Variants in FUT9 observed in about 807,000 individuals in gnomAD.
FUT9 encodes the protein 4-galactosyl-N-acetylglucosaminide 3-alpha-L-fucosyltransferase 9.
FUT9 carries 15 observed loss-of-function variants against 29.7 expected under a neutral mutation model. The observed-to-expected ratio is 0.51, with a 90% CI of 0.34 to 0.78. FUT9 has a LOEUF of 0.78. Among genes scored for constraint, FUT9 ranks in the 30% least tolerant of loss-of-function variants. The probability of loss-of-function intolerance (pLI) is 0.01; values close to 1 mark genes in which losing one functional copy is unlikely to be tolerated. For missense variants in FUT9, 319 were observed against 425.4 expected (o/e 0.75, Z 2.20); for synonymous variants, 169 against 153.7 (o/e 1.10, Z -0.74).
chr6:96,110,347 C>T (rs1771776291), intron 1 of FUT9, among the ~76,000 whole-genome samples: 2 of 152,110 alleles, frequency 1.3e-5, no homozygotes, highest in Admixed American at 1.3e-4. Context: ...AACTTATTAT[C>T]CATATTGCAT....
intron 2 of FUT9, among the ~76,000 whole-genome samples, chr6:96,195,739 G>C (rs184064740): frequency 6.6e-6 from 1 of 151,948 alleles, no homozygotes; most frequent in Non-Finnish European, 1.5e-5. Context: ...TTGTAGCCAG[G>C]AGTAAAAGCA....
chr6:96,039,521 T>A (rs374546791), intron 1 of FUT9, among the ~76,000 whole-genome samples: 13 of 152,172 alleles, frequency 8.5e-5, no homozygotes, highest in Admixed American at 5.9e-4. Context: ...ACTTGGCAAG[T>A]TTTTTCCCAC....
Position 96,203,295 on chromosome 6 carries a change from T to C in FUT9, c.140T>C (p.Val47Ala). The change falls in exon 3 of 3, where the codon GTG (valine) becomes GCG (alanine). Residue 47 changes from valine (V) to alanine (A), a missense_variant. Transcript: ENST00000302103. The part of the protein sequence containing the change: ...IFSPMESASS[V>A]LKMKNFFSTK... ...AGTCCAATGGAATCAGCCAGCTCTG[T>C]GCTGAAAATGAAAAACTTCTTTTCC... 1 of 1,614,038 alleles carries C rather than the reference T, an allele frequency of 6.2e-7. No homozygotes were observed.
At chr6:96,056,835 A>G (rs1363695695) in intron 1 of FUT9, among the ~76,000 whole-genome samples, 3 of 152,240 alleles carry the variant, frequency 2.0e-5, no homozygotes, top group Non-Finnish European at 4.4e-5. Context: ...CATATTTACA[A>G]TATACACTCT....
At chr6:96,044,660 T>C (rs1321965022) in intron 1 of FUT9, among the ~76,000 whole-genome samples, 1 of 152,178 alleles carries the variant, frequency 6.6e-6, no homozygotes, top group African/African-American at 2.4e-5. Context: ...TTCCCCCTGA[T>C]TTAAACACAG....
At chr6:96,030,436 CA>C (rs1770242130) in intron 1 of FUT9, among the ~76,000 whole-genome samples, 1 of 151,294 alleles carries the variant, frequency 6.6e-6, no homozygotes, top group Admixed American at 6.6e-5. Flanking sequence ...CCTATTAGAG[CA>C]AAATGAAAAC....
At chr6:96,082,534 A>G (rs1215810296) in intron 1 of FUT9, among the ~76,000 whole-genome samples, 1 of 151,922 alleles carries the variant, frequency 6.6e-6, no homozygotes, top group Non-Finnish European at 1.5e-5. Flanking sequence ...ATATAACAAT[A>G]GCTTCATAAT....
intron 1 of FUT9, among the ~76,000 whole-genome samples, chr6:96,111,942 T>C (rs1771816525): frequency 6.6e-6 from 1 of 152,228 alleles, no homozygotes; most frequent in Non-Finnish European, 1.5e-5. Flanking sequence ...AATATTGTGT[T>C]TGTGGTTTTA....
chr6:96,198,999 G>T (rs543782807), intron 2 of FUT9, among the ~76,000 whole-genome samples: 75 of 152,224 alleles, frequency 4.9e-4, no homozygotes, highest in African/African-American at 1.8e-3. Flanking sequence ...ATTGAATCAT[G>T]CATACCAAGT....
At chr6:96,172,391 A>G (rs1773129101) in intron 2 of FUT9, among the ~76,000 whole-genome samples, 2 of 152,198 alleles carry the variant, frequency 1.3e-5, no homozygotes, top group African/African-American at 4.8e-5. Context: ...CATTTTTCAT[A>G]TCATTTTATT....
chr6:96,039,656 G>A (rs374772820), intron 1 of FUT9, among the ~76,000 whole-genome samples: 3 of 152,088 alleles, frequency 2.0e-5, no homozygotes, highest in Non-Finnish European at 4.4e-5. Flanking sequence ...AGCCAAACCC[G>A]TACTTTCCTA....
At chr6:96,145,475 A>T (rs1772549054) in intron 2 of FUT9, among the ~76,000 whole-genome samples, 1 of 152,352 alleles carries the variant, frequency 6.6e-6, no homozygotes, top group Non-Finnish European at 1.5e-5. Flanking sequence ...TCCTACCATC[A>T]AGAATCTTGC....
intron 2 of FUT9, among the ~76,000 whole-genome samples, chr6:96,168,627 T>C (rs1773056384): frequency 6.6e-6 from 1 of 152,088 alleles, no homozygotes; most frequent in African/African-American, 2.4e-5. Flanking sequence ...GATTAGAAGG[T>C]ATGTAATAGG....
Position 96,022,301 on chromosome 6 carries a change from T to C in FUT9, c.-98+6089T>C, listed in dbSNP as rs182420850. ...AAGTATGAGTGACTGGTTGTACTCC[T>C]TGTTTTGAAGAGGCTGCATGAAGGC... is the stretch of plus-strand genomic sequence containing the variant. On this transcript the variant is annotated intron_variant, in intron 1 of 2. Transcript: ENST00000302103. Among the ~76,000 whole-genome samples, 229 of 152,192 alleles carry C rather than the reference T, an allele frequency of 1.5e-3. 1 individual carries two copies. The highest frequency in any genetic ancestry group is 5.3e-3 in the African/African-American group (219 of 41,564).
In FUT9 at chr6:96,037,635, T is replaced by C. The variant is rs901316792; in HGVS notation, c.-98+21423T>C. 5.3e-5 allele frequency among the ~76,000 whole-genome samples: 8 copies of C among 151,954 alleles called. No homozygotes were observed. In the South Asian group the frequency reaches 1.5e-3, roughly 28 times the overall value. On this transcript the variant is annotated intron_variant, in intron 1 of 2. Transcript: ENST00000302103. ...TTAACCCTTGAGACTAATCTTTTTC[T>C]GGATAAAACTCTGCAAATGCTTAGT... is the stretch of plus-strand genomic sequence containing the variant.
At chr6:96,059,265 C>A (rs1164495486) in intron 1 of FUT9, among the ~76,000 whole-genome samples, 1 of 152,126 alleles carries the variant, frequency 6.6e-6, no homozygotes, top group Non-Finnish European at 1.5e-5. Context: ...CATATGCTTG[C>A]AATCCTCCCC....
chr6:96,084,470 C>A (rs868501185), intron 1 of FUT9, among the ~76,000 whole-genome samples: 2 of 152,234 alleles, frequency 1.3e-5, no homozygotes, highest in Admixed American at 1.3e-4. Context: ...AGGTTTATCT[C>A]TAATTCTATT....
At chr6:96,041,247 A>G (rs953608810) in intron 1 of FUT9, among the ~76,000 whole-genome samples, 6 of 152,060 alleles carry the variant, frequency 3.9e-5, no homozygotes, top group South Asian at 2.1e-4. Context: ...TACACAATAA[A>G]ATATTTTATA....
At chr6:96,137,791 G>A (rs1001718932) in intron 2 of FUT9, among the ~76,000 whole-genome samples, 15 of 152,008 alleles carry the variant, frequency 9.9e-5, no homozygotes, top group African/African-American at 3.6e-4. Context: ...TTTGATGAAA[G>A]AACCATAGTA....
Sources: allele counts gnomAD v4.1 joint callset (sites outside exome capture counted in the v4.1 genomes callset), GRCh38; gene constraint gnomAD v4.1.1; transcripts MANE v1.5; gene names NCBI Gene and HGNC (gene_info 2026-07-23, HGNC 2026-07-21).